CMTM7: variants seen among roughly 807,000 people sequenced by gnomAD.
CMTM7 encodes the protein CKLF like MARVEL transmembrane domain containing 7.
In CMTM7, 7 loss-of-function variants were observed where a neutral mutation model predicts 19.3. The ratio of observed to expected loss-of-function variants is 0.36; its 90% confidence interval spans 0.21 to 0.68. The LOEUF is 0.68. Ranked by LOEUF, CMTM7 falls within the 30% of genes least tolerant of loss-of-function variation. CMTM7 has a pLI of 0.60. For missense variants in CMTM7, 193 were observed against 232.6 expected (o/e 0.83, Z 1.11); for synonymous variants, 87 against 99.3 (o/e 0.88, Z 0.74).
intron 1 of CMTM7, among the ~76,000 whole-genome samples, chr3:32,428,439 A>G (rs563358823): frequency 1.3e-5 from 2 of 152,314 alleles, no homozygotes; most frequent in Admixed American, 1.3e-4. Flanking sequence ...TGAACTGTCA[A>G]TTAGGAAGGG....
At chr3:32,434,275 A>T (rs878918417) in intron 1 of CMTM7, among the ~76,000 whole-genome samples, 1 of 152,152 alleles carries the variant, frequency 6.6e-6, no homozygotes, top group Admixed American at 6.5e-5. Context: ...AAGGAAGCAA[A>T]TATTTATTTT....
chr3:32,398,318 A>G (rs577289911), intron 1 of CMTM7, among the ~76,000 whole-genome samples: 1 of 152,326 alleles, frequency 6.6e-6, no homozygotes, highest in South Asian at 2.1e-4. Flanking sequence ...ACATGGACAG[A>G]GAATCAGAAT....
chr3:32,403,218 T>C (rs1696036182), intron 1 of CMTM7, among the ~76,000 whole-genome samples: 1 of 152,164 alleles, frequency 6.6e-6, no homozygotes, highest in Non-Finnish European at 1.5e-5. Context: ...TTTGTTGTTC[T>C]TGTTGTTTGT....
At chr3:32,393,592 T>G (rs562234348) in intron 1 of CMTM7, among the ~76,000 whole-genome samples, 2 of 152,046 alleles carry the variant, frequency 1.3e-5, no homozygotes, top group African/African-American at 2.4e-5. Flanking sequence ...ATAATGGAGA[T>G]GAAACCTCGG....
chr3:32,438,956 T>G (rs1346520042), intron 1 of CMTM7, among the ~76,000 whole-genome samples: 1 of 152,216 alleles, frequency 6.6e-6, no homozygotes, highest in Non-Finnish European at 1.5e-5. Flanking sequence ...GGAATCACGC[T>G]GCATAATCCC....
chr3:32,421,787 T>C (rs1696348190), intron 1 of CMTM7, among the ~76,000 whole-genome samples: 1 of 152,202 alleles, frequency 6.6e-6, no homozygotes, highest in African/African-American at 2.4e-5. Context: ...TATTTGTTCC[T>C]CCCAAGAAAC....
At chr3:32,404,001 G>T (rs780238223) in intron 1 of CMTM7, among the ~76,000 whole-genome samples, 4 of 152,074 alleles carry the variant, frequency 2.6e-5, no homozygotes, top group Non-Finnish European at 4.4e-5. Context: ...ATTACCCAAC[G>T]TTATTATTAT....
chr3:32,411,281 T>C (rs1257792829), intron 1 of CMTM7, among the ~76,000 whole-genome samples: 1 of 152,252 alleles, frequency 6.6e-6, no homozygotes, highest in Non-Finnish European at 1.5e-5. Flanking sequence ...TTCAGGATTT[T>C]TGTCTTATGC....
chr3:32,404,618 C>A (rs1696063603), intron 1 of CMTM7, among the ~76,000 whole-genome samples: 1 of 152,240 alleles, frequency 6.6e-6, no homozygotes. Context: ...AGCAAGTCTT[C>A]TTTTTCCACC....
Position 32,441,930 on chromosome 3 carries a change from G to T in CMTM7, c.250G>T (p.Asp84Tyr). The T allele has an allele frequency of 1.2e-6, 2 of 1,614,174 alleles. No homozygotes were observed. The highest frequency in any genetic ancestry group is 1.7e-6 in the Non-Finnish European group (2 of 1,180,048). Residue 84 changes from aspartate (D) to tyrosine (Y), a missense_variant, in exon 2 of 5, where the codon GAC becomes TAC. Asp to Tyr is a radical substitution (Grantham distance 160, BLOSUM62 -3). Coordinates refer to ENST00000334983, the MANE Select transcript of CMTM7 (RefSeq NM_138410.4). ...CTACTTTGAAGTGGTCACCATTTGCGACTTGATAATGATCCTCGCCTTTTA... is the reference window on the plus strand; with the variant it reads ...CTACTTTGAAGTGGTCACCATTTGCTACTTGATAATGATCCTCGCCTTTTA... ...YSYFEVVTICDLIMILAFYLV... is the reference protein window; with the variant it reads ...YSYFEVVTICYLIMILAFYLV...
At chr3:32,426,607 G>C (rs1172352517) in intron 1 of CMTM7, among the ~76,000 whole-genome samples, 1 of 151,490 alleles carries the variant, frequency 6.6e-6, no homozygotes, top group African/African-American at 2.4e-5. Flanking sequence ...TTTTTTCTTT[G>C]CTAGGTGAAC....
At chr3:32,428,364 A>G (rs79778449) in intron 1 of CMTM7, among the ~76,000 whole-genome samples, 2,080 of 152,236 alleles carry the variant, frequency 0.014, 43 homozygotes, top group African/African-American at 0.047. Flanking sequence ...TCATTTCCTC[A>G]TCTCAATACT....
At chr3:32,435,190 T>G (rs1696579052) in intron 1 of CMTM7, among the ~76,000 whole-genome samples, 1 of 152,098 alleles carries the variant, frequency 6.6e-6, no homozygotes, top group Non-Finnish European at 1.5e-5. Flanking sequence ...GATCACGAGG[T>G]CAGGAGATCG....
At chr3:32,445,014 C>A (rs1294242352) in intron 2 of CMTM7, among the ~76,000 whole-genome samples, 3 of 152,180 alleles carry the variant, frequency 2.0e-5, no homozygotes, top group Non-Finnish European at 4.4e-5. Flanking sequence ...TTGTTCATTG[C>A]AAGTGCATAG....
intron 1 of CMTM7, among the ~76,000 whole-genome samples, chr3:32,440,868 A>G (rs932874685): frequency 6.6e-6 from 1 of 152,254 alleles, no homozygotes; most frequent in Non-Finnish European, 1.5e-5. Flanking sequence ...TGTTCCCTAC[A>G]TGGAGTAGAC....
chr3:32,392,151 G>A, intron 1 of CMTM7, 86 bp downstream of exon 1: 1 of 1,025,922 alleles, frequency 9.7e-7, no homozygotes, highest in Non-Finnish European at 1.2e-6. Context: ...CGGGCGTCTG[G>A]ACCCGGCCGG....
At chr3:32,409,005 C>A (rs1696133386) in intron 1 of CMTM7, among the ~76,000 whole-genome samples, 1 of 152,210 alleles carries the variant, frequency 6.6e-6, no homozygotes, top group South Asian at 2.1e-4. Context: ...GCCTCACCTC[C>A]TGAGTAGCTG....
chr3:32,430,618 A>G (rs1045409486), intron 1 of CMTM7, among the ~76,000 whole-genome samples: 2 of 150,476 alleles, frequency 1.3e-5, no homozygotes, highest in Admixed American at 1.3e-4. Context: ...CCTCGATGGG[A>G]TGTGCGCTTA....
chr3:32,433,674 G>A (rs1696552824), intron 1 of CMTM7, among the ~76,000 whole-genome samples: 1 of 152,212 alleles, frequency 6.6e-6, no homozygotes. Flanking sequence ...CTACAGACCA[G>A]TGAAGGAAGG....
Sources: gnomAD v4.1 joint callset for allele counts (sites outside exome capture counted in the v4.1 genomes callset) on GRCh38, gnomAD v4.1.1 for gene constraint, MANE v1.5 for transcripts, NCBI Gene and HGNC (gene_info 2026-07-23, HGNC 2026-07-21) for gene names.